ELL2: variants seen among roughly 807,000 people sequenced by gnomAD.
ELL2 encodes the protein elongation factor for RNA polymerase II 2.
ELL2 carries 21 observed loss-of-function variants against 72.8 expected under a neutral mutation model. That is an observed-to-expected ratio of 0.29 (90% CI 0.20 to 0.42). The LOEUF is 0.42. ELL2 is among the 10% of genes least tolerant of loss of function. ELL2 has a pLI of 1.00. For synonymous variants in ELL2, 266 were observed against 283.2 expected (o/e 0.94, Z 0.61); for missense variants, 568 against 772.8 (o/e 0.73, Z 3.14).
At chr5:95,952,846 A>G (rs1751469557) in intron 1 of ELL2, among the ~76,000 whole-genome samples, 1 of 152,216 alleles carries the variant, frequency 6.6e-6, no homozygotes, top group Non-Finnish European at 1.5e-5. Context: ...TGAACAGATA[A>G]AGAGAAGAGA....
At chr5:95,917,738 T>C (rs1172904700) in intron 3 of ELL2, among the ~76,000 whole-genome samples, 1 of 128,998 alleles carries the variant, frequency 7.8e-6, no homozygotes, top group Non-Finnish European at 1.6e-5. Flanking sequence ...CATAGTTTTG[T>C]AAGTGACCTT....
chr5:95,943,146 C>G, intron 1 of ELL2, 97 bp from the exon 2 acceptor site: 1 of 963,528 alleles, frequency 1.0e-6, no homozygotes, highest in Non-Finnish European at 1.5e-6. Context: ...TTGGGCCAGG[C>G]ACAGTGACTC....
At chr5:95,914,052 CTAA>C in intron 3 of ELL2, 118 bp from the exon 4 acceptor site, 14 of 822,582 alleles carry the variant, frequency 1.7e-5, no homozygotes, top group Non-Finnish European at 2.2e-5. Context: ...CCTAAAATAA[CTAA>C]TATTAATTTT....
chr5:95,895,690 T>C lies in ELL2; in HGVS notation c.1527A>G (p.Gly509=), dbSNP rs775326443. ...TGGAGGCAGTGCAATCCTCTTTAACTCCTATGAAGAAAAAAAACAAAATCA... is the reference window on the plus strand; with the variant it reads ...TGGAGGCAGTGCAATCCTCTTTAACCCCTATGAAGAAAAAAAACAAAATCA... The part of the protein sequence containing the change: ...LNNSSPNSSG[G]VKEDCTASME... Residue 509 remains glycine (G), a splice_region_variant and synonymous_variant, in exon 9 of 12, where the codon GGA becomes GGG. Coordinates refer to ENST00000237853, the MANE Select transcript of ELL2 (RefSeq NM_012081.6). The C allele has an allele frequency of 1.9e-6, 3 of 1,613,528 alleles. No homozygotes were observed. Among genetic ancestry groups the C allele is most frequent in the African/African-American group, 2.7e-5 (2 of 74,856 alleles).
chr5:95,935,966 C>T (rs1750758813), intron 2 of ELL2, among the ~76,000 whole-genome samples: 1 of 152,176 alleles, frequency 6.6e-6, no homozygotes, highest in South Asian at 2.1e-4. Flanking sequence ...TAATCTCCTA[C>T]CATGTTTGGT....
intron 7 of ELL2, among the ~76,000 whole-genome samples, chr5:95,899,240 A>C (rs1016411629): frequency 6.6e-6 from 1 of 152,196 alleles, no homozygotes; most frequent in Non-Finnish European, 1.5e-5. Flanking sequence ...AAATGAGAAG[A>C]GAAAGCAATT....
chr5:95,944,195 G>C (rs918326114), intron 1 of ELL2, among the ~76,000 whole-genome samples: 1 of 152,044 alleles, frequency 6.6e-6, no homozygotes, highest in Non-Finnish European at 1.5e-5. Flanking sequence ...ATAAATGAAA[G>C]AGAAAGAGAA....
intron 3 of ELL2, 122 bp downstream of exon 3, chr5:95,919,302 A>C (rs1188560338): frequency 1.7e-6 from 2 of 1,206,900 alleles, no homozygotes; most frequent in African/African-American, 3.2e-5. Context: ...TAAATAAATG[A>C]GCTCTGTAAT....
At chr5:95,903,517 C>T (rs557912085) in intron 5 of ELL2, among the ~76,000 whole-genome samples, 9 of 152,132 alleles carry the variant, frequency 5.9e-5, no homozygotes, top group African/African-American at 1.7e-4. Flanking sequence ...GGGTGAGCCA[C>T]GGCGCCTGGC....
At chr5:95,896,429 G>A (rs560278263) in intron 8 of ELL2, among the ~76,000 whole-genome samples, 1 of 152,266 alleles carries the variant, frequency 6.6e-6, no homozygotes, top group East Asian at 1.9e-4. Context: ...ATCATTGAAA[G>A]TAGGGTTAAA....
chr5:95,895,441 A>G (rs1748830010), intron 9 of ELL2, among the ~76,000 whole-genome samples, 187 bp downstream of exon 9: 1 of 152,206 alleles, frequency 6.6e-6, no homozygotes, highest in African/African-American at 2.4e-5. Flanking sequence ...GGGAGGCACA[A>G]CCTGCTCATG....
At chr5:95,905,203 T>TG (rs1446921011) in intron 5 of ELL2, among the ~76,000 whole-genome samples, 1 of 151,784 alleles carries the variant, frequency 6.6e-6, no homozygotes, top group African/African-American at 2.4e-5. Context: ...ATGCCTCGCT[T>TG]GGGGGTAAAG....
intron 3 of ELL2, 85 bp downstream of exon 3, chr5:95,919,339 A>G (rs1419982524): frequency 1.4e-6 from 2 of 1,447,658 alleles, no homozygotes; most frequent in Middle Eastern, 2.5e-4. Flanking sequence ...TTATGGATGA[A>G]TATTATGTAT....
chr5:95,898,232 TAA>T lies in ELL2; in HGVS notation c.1525+6_1525+7del, dbSNP rs1748951447. On this transcript the variant is annotated splice_donor_region_variant and intron_variant, in intron 8 of 11. Transcript: ENST00000237853. The stretch of plus-strand genomic sequence containing the variant: ...CATGCACTTCTGGTTCATCTAAAGG[TAA>T]AATACCTCCACTGGAATTTGGACTG... 1.9e-6 allele frequency: 3 copies of T among 1,589,384 alleles called. No homozygotes were observed. Among genetic ancestry groups the T allele is most frequent in the Non-Finnish European group, 2.6e-6 (3 of 1,170,856 alleles).
rs367716116 is a variant in ELL2 at position 95,913,862 on chromosome 5, C to T, written c.390G>A (p.Ser130=). Reference sequence around the variant, plus strand: ...TCATTCTTTCTCGTGTCATCTGATACGAGTCGTTTGTTGCACACACTGTAA... The same window carrying T: ...TCATTCTTTCTCGTGTCATCTGATATGAGTCGTTTGTTGCACACACTGTAA... ...DKITVCATND[S]YQMTRERMTQ... is the part of the protein sequence containing the mutation. The change falls in exon 4 of 12, where the codon TCG becomes TCA. Residue 130 remains serine (S), a synonymous_variant. Coordinates refer to ENST00000237853, the MANE Select transcript of ELL2 (RefSeq NM_012081.6). 2.1e-5 allele frequency: 34 copies of T among 1,613,318 alleles called. No individual in the cohort carries two copies. Among genetic ancestry groups the T allele is most frequent in the African/African-American group, 5.3e-5 (4 of 74,848 alleles).
At chr5:95,916,872 A>C (rs1251702728) in intron 3 of ELL2, among the ~76,000 whole-genome samples, 1 of 152,122 alleles carries the variant, frequency 6.6e-6, no homozygotes, top group Non-Finnish European at 1.5e-5. Context: ...TGGTGGCAGA[A>C]AGTTTGTATT....
chr5:95,926,431 G>A (rs1468522019), intron 2 of ELL2, among the ~76,000 whole-genome samples: 2 of 151,966 alleles, frequency 1.3e-5, no homozygotes, highest in East Asian at 3.9e-4. Context: ...AATTTTTCTA[G>A]CACAAAGAGA....
Position 95,913,777 on chromosome 5 carries a change from A to G in ELL2, c.475T>C (p.Tyr159His). The G allele has an allele frequency of 6.2e-7, 1 of 1,606,994 alleles. No homozygotes were observed. Among genetic ancestry groups the G allele is most frequent in the East Asian group, 2.3e-5 (1 of 44,154 alleles). The change falls in exon 4 of 12, where the codon TAT becomes CAT. Residue 159 changes from tyrosine to histidine, a missense_variant. Tyr to His is a moderately conservative substitution (Grantham distance 83). Transcript: ENST00000237853. ...STKVIKPGGP[Y>H]VGKRVQIRKA... ...GAAAGATATCTATACAAACCTACATATGGTCCACCGGGTTTGATAACTTTT... is the reference window on the plus strand; with the variant it reads ...GAAAGATATCTATACAAACCTACATGTGGTCCACCGGGTTTGATAACTTTT...
intron 2 of ELL2, among the ~76,000 whole-genome samples, chr5:95,930,885 T>A (rs1437369100): frequency 2.0e-5 from 3 of 148,556 alleles, no homozygotes; most frequent in Non-Finnish European, 4.4e-5. Context: ...AGTGTGTGTG[T>A]AAAAATATGC....
Sources: allele counts gnomAD v4.1 joint callset (sites outside exome capture counted in the v4.1 genomes callset), GRCh38; gene constraint gnomAD v4.1.1; transcripts MANE v1.5; gene names NCBI Gene and HGNC (gene_info 2026-07-23, HGNC 2026-07-21).